RGP1: variants seen among roughly 807,000 people sequenced by gnomAD.
RGP1 encodes RAB6A-GEF complex partner protein 2.
Under a neutral mutation model 44.5 loss-of-function variants are expected in RGP1, and 28 were observed. That is an observed-to-expected ratio of 0.63 (90% CI 0.47 to 0.86). The LOEUF (loss-of-function observed/expected upper bound fraction) is 0.86. Ranked by LOEUF, RGP1 falls within the 40% of genes least tolerant of loss-of-function variation. The pLI is 0.00. For synonymous variants in RGP1, 212 were observed against 196.7 expected, an observed-to-expected ratio of 1.08 and a Z score of -0.65; for missense variants, 417 against 490.7, an observed-to-expected ratio of 0.85 and a Z score of 1.42.
At chr9:35,764,665 C>T in the RGP1 span, among the ~76,000 whole-genome samples, 1 of 152,212 alleles carries the variant, frequency 6.6e-6, no homozygotes. Flanking sequence ...TTCCTTATTA[C>T]CCTTTGCATT....
chr9:35,750,756 C>G lies in RGP1; in HGVS notation c.337+15C>G. 1 of 1,613,918 alleles carries G rather than the reference C, an allele frequency of 6.2e-7. No individual in the cohort carries two copies. The highest frequency in any genetic ancestry group is 8.5e-7 in the Non-Finnish European group (1 of 1,179,820). On this transcript the variant is annotated intron_variant, in intron 4 of 8. Coordinates refer to ENST00000378078, the MANE Select transcript of RGP1 (RefSeq NM_001080496.3). ...GTCCAAATCATGTGAGTGATTGTCC[C>G]CATCCCTGAATTGCCTTCTAAGTCT...
At position 35,756,052 on chromosome 9, in the gene RGP1, A is replaced by T. The variant is rs190106066; in HGVS notation, c.*3178A>T. ...CTTGGATTTGGATCCATTTCTTCCT[A>T]TTTCCGCTCATGTGAACTCTCCAGT... On this transcript the variant is annotated 3_prime_UTR_variant, in exon 9 of 9. Transcript: ENST00000378078. 1 of 151,696 alleles carries T rather than the reference A, an allele frequency of 6.6e-6. No individual in the cohort carries two copies. The highest frequency in any genetic ancestry group is 3.2e-3 in the Middle Eastern group (1 of 316). The allele number at this position is 151,696 out of a possible 1,614,324, so 9.4% of individuals were successfully genotyped here.
chr9:35,779,786 G>A, the RGP1 span, among the ~76,000 whole-genome samples: 1 of 152,104 alleles, frequency 6.6e-6, no homozygotes, highest in South Asian at 2.1e-4. Context: ...CTAGGCTGGG[G>A]TATAGTGTTG....
chr9:35,772,746 G>A, the RGP1 span, among the ~76,000 whole-genome samples: 7 of 150,496 alleles, frequency 4.7e-5, no homozygotes, highest in South Asian at 2.1e-4. Flanking sequence ...AGCCGAGATC[G>A]GACCACGGCA....
At chr9:35,768,821 A>C in the RGP1 span, among the ~76,000 whole-genome samples, 1 of 152,190 alleles carries the variant, frequency 6.6e-6, no homozygotes, top group Non-Finnish European at 1.5e-5. Context: ...AGGGGTTGCT[A>C]TCTGAGAGAC....
At chr9:35,770,286 TAGG>T in the RGP1 span, among the ~76,000 whole-genome samples, 4 of 152,188 alleles carry the variant, frequency 2.6e-5, no homozygotes, top group East Asian at 5.8e-4. Context: ...CTTTGCTGAG[TAGG>T]AGAACACTGG....
chr9:35,750,292 A>T lies in RGP1; in HGVS notation c.166A>T (p.Ser56Cys). The stretch of plus-strand genomic sequence containing the variant: ...CCAAATCCACTGCCAGTTCCATGCC[A>T]GTGAGAGTCGAGTAGCACTGCCTCC... ...SAQIHCQFHA[S>C]ESRVALPPPD... The change falls in exon 3 of 9, where the codon AGT (serine) becomes TGT (cysteine). Residue 56 changes from serine to cysteine, a missense_variant. Coordinates refer to ENST00000378078, the MANE Select transcript of RGP1 (RefSeq NM_001080496.3). 6.2e-7 allele frequency: 1 copy of T among 1,613,918 alleles called. No individual in the cohort carries two copies. Among genetic ancestry groups the T allele is most frequent in the Non-Finnish European group, 8.5e-7 (1 of 1,179,846 alleles).
chr9:35,776,344 TG>T, the RGP1 span, among the ~76,000 whole-genome samples: 1 of 151,814 alleles, frequency 6.6e-6, no homozygotes, highest in African/African-American at 2.4e-5. Context: ...TGGGGCGCAG[TG>T]GTATGATCTC....
the RGP1 span, among the ~76,000 whole-genome samples, chr9:35,776,936 A>G: frequency 1.3e-5 from 2 of 150,234 alleles, no homozygotes; most frequent in Non-Finnish European, 3.0e-5. Context: ...TGGAGCGTCC[A>G]GTGAGCCGAG....
At chr9:35,751,073 G>A in intron 5 of RGP1, 84 bp downstream of exon 5, 1 of 1,545,720 alleles carries the variant, frequency 6.5e-7, no homozygotes, top group Non-Finnish European at 8.8e-7. Flanking sequence ...AAGAGGGACT[G>A]CAGGGAAACT....
the RGP1 span, among the ~76,000 whole-genome samples, chr9:35,776,930 G>GC: frequency 4.0e-5 from 6 of 150,338 alleles, no homozygotes; most frequent in African/African-American, 1.5e-4. Context: ...GGGAGGTGGA[G>GC]CGTCCAGTGA....
In RGP1 at chr9:35,755,796, T is replaced by G. The variant is rs948086053; in HGVS notation, c.*2922T>G. 2.6e-5 allele frequency: 4 copies of G among 152,200 alleles called. No homozygotes were observed. The highest frequency in any genetic ancestry group is 9.7e-5 in the African/African-American group (4 of 41,434). The allele number at this position is 152,200 out of a possible 1,614,324, so 9.4% of individuals were successfully genotyped here. A position where few individuals can be genotyped will look rare whatever the true frequency, so the allele number is the denominator to read the frequency against. On this transcript the variant is annotated 3_prime_UTR_variant, in exon 9 of 9. Coordinates refer to ENST00000378078, the MANE Select transcript of RGP1 (RefSeq NM_001080496.3). ...CACAGACTGGTACTGGCCTGTGGCC[T>G]GGGGGATGGAGACCCCTAATCCATG...
chr9:35,789,410 C>A, the RGP1 span, among the ~76,000 whole-genome samples: 1 of 148,572 alleles, frequency 6.7e-6, no homozygotes, highest in Non-Finnish European at 1.5e-5. Context: ...GCGATCCCCC[C>A]ACCTCAGCCT....
At chr9:35,785,498 G>A in the RGP1 span, among the ~76,000 whole-genome samples, 2 of 150,536 alleles carry the variant, frequency 1.3e-5, no homozygotes, top group African/African-American at 4.9e-5. Context: ...ATAACAGTGT[G>A]AAAAACATAG....
the RGP1 span, among the ~76,000 whole-genome samples, chr9:35,772,781 ACT>A: frequency 1.4e-5 from 2 of 140,124 alleles, 1 homozygote; most frequent in South Asian, 4.4e-4. Context: ...ACAGAGCGAG[ACT>A]CTGTCTCAAA....
chr9:35,766,082 G>A, the RGP1 span, among the ~76,000 whole-genome samples: 3 of 148,068 alleles, frequency 2.0e-5, no homozygotes, highest in East Asian at 4.0e-4. Flanking sequence ...TGCCCACCTC[G>A]GCCTCCCAAA....
the RGP1 span, among the ~76,000 whole-genome samples, chr9:35,765,091 T>G: frequency 6.8e-6 from 1 of 146,306 alleles, no homozygotes; most frequent in Non-Finnish European, 1.5e-5. Flanking sequence ...GCCACTGCAC[T>G]CCAGCCTGAC....
chr9:35,782,903 G>A, the RGP1 span, among the ~76,000 whole-genome samples: 5,681 of 150,406 alleles, frequency 0.038, 350 homozygotes, highest in African/African-American at 0.13. Context: ...CCCCCTCCCC[G>A]GTTCAAGCGA....
Position 35,753,874 on chromosome 9 carries a change from GT to G in RGP1, c.*1003del, listed in dbSNP as rs1481660574. 1.3e-6 allele frequency: 2 copies of G among 1,537,484 alleles called. No individual in the cohort carries two copies. The highest frequency in any genetic ancestry group is 2.7e-5 in the African/African-American group (2 of 73,140). On this transcript the variant is annotated 3_prime_UTR_variant, in exon 9 of 9. Coordinates refer to ENST00000378078, the MANE Select transcript of RGP1 (RefSeq NM_001080496.3). This position sits in a 1 kb window ranked among gnomAD's most constrained non-coding sequence, Gnocchi z 4.2. Reference sequence around the variant, plus strand: ...TAAGTACGCACTATCCCCGTATTTAGTTTGTCTTTCCTGTTTCACAGCTGGA... The same window carrying G: ...TAAGTACGCACTATCCCCGTATTTAGTTGTCTTTCCTGTTTCACAGCTGGA...
Sources: allele counts gnomAD v4.1 joint callset (sites outside exome capture counted in the v4.1 genomes callset), GRCh38; gene constraint gnomAD v4.1.1; non-coding constraint Gnocchi (gnomAD v3.1); transcripts MANE v1.5; gene names NCBI Gene and HGNC (gene_info 2026-07-23, HGNC 2026-07-21).